PRKCB: variants seen among roughly 807,000 people sequenced by gnomAD.
PRKCB encodes the protein protein kinase C beta.
PRKCB carries 13 observed loss-of-function variants against 81.5 expected under a neutral mutation model. That is an observed-to-expected ratio of 0.16 (90% CI 0.10 to 0.25). PRKCB has a LOEUF of 0.25. Among genes scored for constraint, PRKCB ranks in the 10% least tolerant of loss-of-function variants. The pLI is 1.00. For synonymous variants in PRKCB, 335 were observed against 321.4 expected (o/e 1.04, Z -0.45); for missense variants, 509 against 875.7 (o/e 0.58, Z 5.29).
At chr16:24,166,282 G>A (rs988552587) in intron 10 of PRKCB, among the ~76,000 whole-genome samples, 48 of 152,118 alleles carry the variant, frequency 3.2e-4, no homozygotes, top group African/African-American at 1.1e-3. Context: ...TTTTTTTAAC[G>A]GAGTTAATAA....
intron 2 of PRKCB, among the ~76,000 whole-genome samples, chr16:23,902,949 A>G (rs1963505499): frequency 6.6e-6 from 1 of 150,730 alleles, no homozygotes; most frequent in Non-Finnish European, 1.5e-5. Flanking sequence ...GACTACAGGC[A>G]TAAGCCATCA....
At chr16:24,174,661 A>G in intron 12 of PRKCB, 81 bp downstream of exon 12, 2 of 1,316,106 alleles carry the variant, frequency 1.5e-6, no homozygotes, top group Admixed American at 2.0e-5. Flanking sequence ...AGCTGCTTTT[A>G]AAATTAGAAT....
chr16:24,089,699 C>G (rs957072386), intron 5 of PRKCB, among the ~76,000 whole-genome samples: 1 of 151,954 alleles, frequency 6.6e-6, no homozygotes, highest in Non-Finnish European at 1.5e-5. Context: ...CACTTGAGCC[C>G]GGGAGGTCGA....
chr16:23,971,764 G>A lies in PRKCB; in HGVS notation c.206-16744G>A, dbSNP rs144405549. Among the ~76,000 whole-genome samples, 661 of 152,180 alleles carry A rather than the reference G, an allele frequency of 4.3e-3. 4 individuals are homozygous for A. The highest frequency in any genetic ancestry group is 0.015 in the African/African-American group (635 of 41,526). On this transcript the variant is annotated intron_variant, in intron 2 of 16. Transcript: ENST00000643927. ...TTTCCACAGTTAAATGTCTTTAATTGAACATCTAGAATGCAAAACATATTA... is the reference window on the plus strand; with the variant it reads ...TTTCCACAGTTAAATGTCTTTAATTAAACATCTAGAATGCAAAACATATTA...
Position 23,908,684 on chromosome 16 carries a change from C to T in PRKCB, c.205+71278C>T, listed in dbSNP as rs564478670. 3.6e-3 allele frequency among the ~76,000 whole-genome samples: 252 copies of T among 69,720 alleles called. 1 individual carries two copies. Among genetic ancestry groups the T allele is most frequent in the African/African-American group, 0.015 (246 of 16,136 alleles). The allele number at this position is 69,720 out of a possible 152,430, so 45.7% of individuals were successfully genotyped here. On this transcript the variant is annotated intron_variant, in intron 2 of 16. Coordinates refer to ENST00000643927, the MANE Select transcript of PRKCB (RefSeq NM_002738.7). The stretch of plus-strand genomic sequence containing the variant: ...GGGACTACAGGTGCCCACCACCGTG[C>T]CCAGCTAATTTTTTTTTTTGTATTT...
intron 2 of PRKCB, among the ~76,000 whole-genome samples, chr16:23,985,200 A>G (rs1022863016): frequency 1.3e-5 from 2 of 152,006 alleles, no homozygotes; most frequent in Admixed American, 1.3e-4. Flanking sequence ...CAAGCAATCT[A>G]CTGCCTCAGC....
At chr16:23,874,764 A>G (rs1011995681) in intron 2 of PRKCB, among the ~76,000 whole-genome samples, 1 of 152,210 alleles carries the variant, frequency 6.6e-6, no homozygotes, top group Non-Finnish European at 1.5e-5. Context: ...AAAATCATCA[A>G]CTATTTTGGC....
At chr16:24,172,244 T>C (rs1432262728) in intron 10 of PRKCB, 26 bp from the exon 11 acceptor site, 1 of 1,574,026 alleles carries the variant, frequency 6.4e-7, no homozygotes. Flanking sequence ...GGGATGCTAA[T>C]GTTGCTGTTT....
chr16:24,029,257 C>T (rs1019930195), intron 3 of PRKCB, among the ~76,000 whole-genome samples: 1 of 152,208 alleles, frequency 6.6e-6, no homozygotes, highest in African/African-American at 2.4e-5. Context: ...ACCTAAATCT[C>T]ATCTTGAATT....
chr16:24,219,454 C>T lies in PRKCB; in HGVS notation c.*4638C>T. The T allele has an allele frequency of 1.0e-6, 1 of 986,644 alleles. No homozygotes were observed. 61.1% of individuals were successfully genotyped at this position (986,644 alleles called of 1,614,324 possible). On this transcript the variant is annotated 3_prime_UTR_variant, in exon 17 of 17. Transcript: ENST00000643927. ...TTCATTAAGCAGTGATCTGATTTCT[C>T]CACATGGCCATTCTGCCTTCTTGGG...
intron 3 of PRKCB, among the ~76,000 whole-genome samples, chr16:24,021,360 TCCCTCCCTC>T: frequency 1.6e-5 from 1 of 64,078 alleles, no homozygotes; most frequent in Non-Finnish European, 2.6e-5. Flanking sequence ...CCTTCCTCCT[TCCCTCCCTC>T]CCTCCCCCCT....
intron 7 of PRKCB, chr16:24,111,348 G>A (rs1233793876): frequency 2.6e-5 from 4 of 152,146 alleles, no homozygotes; most frequent in Non-Finnish European, 4.4e-5. Flanking sequence ...CTTTGAGAGC[G>A]AGGAGTTTTG....
intron 2 of PRKCB, among the ~76,000 whole-genome samples, chr16:23,973,131 A>G (rs1242024555): frequency 6.6e-6 from 1 of 152,172 alleles, no homozygotes; most frequent in African/African-American, 2.4e-5. Context: ...CTAGACTGGC[A>G]GGTCAGGACG....
chr16:24,130,448 G>A (rs950447297), intron 9 of PRKCB, among the ~76,000 whole-genome samples: 6 of 152,128 alleles, frequency 3.9e-5, no homozygotes, highest in African/African-American at 1.4e-4. Context: ...ATCTCAGAAT[G>A]TCTCTTTGTT....
intron 5 of PRKCB, among the ~76,000 whole-genome samples, chr16:24,087,654 G>T (rs558016797): frequency 6.6e-6 from 1 of 152,168 alleles, no homozygotes; most frequent in Non-Finnish European, 1.5e-5. Context: ...ATGTGGGATC[G>T]GGATATGAAA....
intron 5 of PRKCB, among the ~76,000 whole-genome samples, chr16:24,071,623 G>A (rs1429859263): frequency 6.6e-6 from 1 of 151,996 alleles, no homozygotes; most frequent in Non-Finnish European, 1.5e-5. Context: ...GGGTAGTAAA[G>A]AGAGTGAGTA....
At chr16:23,885,893 G>A (rs1963190544) in intron 2 of PRKCB, among the ~76,000 whole-genome samples, 1 of 152,170 alleles carries the variant, frequency 6.6e-6, no homozygotes, top group Non-Finnish European at 1.5e-5. Context: ...TGGCCTTAGT[G>A]TATTTCTTTT....
At chr16:24,096,529 C>T (rs1316896494) in intron 7 of PRKCB, among the ~76,000 whole-genome samples, 1 of 151,458 alleles carries the variant, frequency 6.6e-6, no homozygotes, top group African/African-American at 2.4e-5. Flanking sequence ...TGAGAAGCTA[C>T]CGCTTCCTTG....
intron 5 of PRKCB, among the ~76,000 whole-genome samples, chr16:24,041,032 G>C (rs1015916930): frequency 1.3e-5 from 2 of 151,300 alleles, no homozygotes; most frequent in African/African-American, 4.9e-5. Context: ...TGAAGCCTGC[G>C]TGTTCATACA....
Sources: allele counts gnomAD v4.1 joint callset (sites outside exome capture counted in the v4.1 genomes callset), GRCh38; gene constraint gnomAD v4.1.1; transcripts MANE v1.5; gene names NCBI Gene and HGNC (gene_info 2026-07-23, HGNC 2026-07-21).